Variants in APTX observed in about 807,000 individuals in gnomAD.
APTX encodes the protein aprataxin.
A neutral mutation model predicts 42.3 loss-of-function variants in APTX; 33 were observed. That is an observed-to-expected ratio of 0.78 (90% CI 0.59 to 1.04). The LOEUF is 1.04. APTX is among the 50% of genes least tolerant of loss of function. APTX has a pLI of 0.00. For synonymous variants in APTX, 130 were observed against 146.7 expected (o/e 0.89, Z 0.82); for missense variants, 421 against 415.1 (o/e 1.01, Z -0.12).
intron 1 of APTX, among the ~76,000 whole-genome samples, chr9:33,019,014 G>C (rs1457580532): frequency 6.6e-6 from 1 of 152,116 alleles, no homozygotes; most frequent in African/African-American, 2.4e-5. Context: ...TGGGATCCTG[G>C]AACAGAAAAG....
At chr9:32,996,884 C>T (rs955876313) in intron 1 of APTX, among the ~76,000 whole-genome samples, 6 of 152,202 alleles carry the variant, frequency 3.9e-5, no homozygotes, top group African/African-American at 1.4e-4. Context: ...CAGGATCCCC[C>T]GGTTTTCAGC....
intron 1 of APTX, among the ~76,000 whole-genome samples, chr9:33,001,163 G>A (rs1836339824): frequency 6.9e-6 from 1 of 145,874 alleles, no homozygotes; most frequent in Non-Finnish European, 1.5e-5. Flanking sequence ...TGCTTCTTCT[G>A]GCATTCCCTA....
upstream of APTX, among the ~76,000 whole-genome samples, chr9:33,002,059 G>T (rs1003488902): frequency 6.6e-6 from 1 of 152,154 alleles, no homozygotes; most frequent in South Asian, 2.1e-4. Context: ...AGAATGGAGC[G>T]GTAAGAGGCA....
rs112022898 is a variant in APTX, at chr9:32,982,933, A to G, written c.770+1698T>C. Among the ~76,000 whole-genome samples, 645 of 151,802 alleles carry G rather than the reference A, an allele frequency of 4.2e-3. 3 individuals carry two copies. The highest frequency in any genetic ancestry group is 0.015 in the African/African-American group (617 of 41,302). On this transcript the variant is annotated intron_variant, in intron 6 of 7. Coordinates refer to ENST00000379817, the MANE Select transcript of APTX (RefSeq NM_001195248.2). ...TGACCTAACAATTCCATCTCCAAAT[A>G]TTTATTCTTTTTTTTTCTTCTTCTT...
chr9:33,024,284 A>AT (rs552210361), intron 1 of APTX, among the ~76,000 whole-genome samples: 1 of 152,270 alleles, frequency 6.6e-6, no homozygotes, highest in South Asian at 2.1e-4. Flanking sequence ...AAGTGCTGGG[A>AT]TTACACACGT....
In APTX at chr9:32,992,167, C is replaced by T. The variant is rs985858205; in HGVS notation, c.-4-2272G>A. On this transcript the variant is annotated intron_variant, in intron 1 of 7. Transcript: ENST00000379817. ...GCTCAAGCCTCTAACATGCCTCTCC[C>T]GGAAACCTGCCTATAGTCAAGGCAG... 5.3e-5 allele frequency among the ~76,000 whole-genome samples: 8 copies of T among 152,076 alleles called. No homozygotes were observed. In the South Asian group the frequency reaches 6.2e-4, roughly 12 times the overall value.
At chr9:33,003,006 C>A (rs1029809504), upstream of APTX, among the ~76,000 whole-genome samples, 1 of 152,130 alleles carries the variant, frequency 6.6e-6, no homozygotes. Flanking sequence ...ATCTCAGCAG[C>A]CACACAGGCC....
At chr9:33,024,710 A>T (rs1389275507) in intron 1 of APTX, 1 of 152,118 alleles carries the variant, frequency 6.6e-6, no homozygotes, top group Non-Finnish European at 1.5e-5. Flanking sequence ...AAGCCTTAAC[A>T]ACTTCACAAT....
At chr9:33,019,861 C>G in intron 1 of APTX, 1 of 644,468 alleles carries the variant, frequency 1.6e-6, no homozygotes. Context: ...TCCCAACCAC[C>G]CTTTGGTGGG....
intron 1 of APTX, chr9:33,019,967 G>C (rs1838239425): frequency 2.3e-6 from 1 of 428,348 alleles, no homozygotes; most frequent in Non-Finnish European, 4.3e-6. Flanking sequence ...CCGCATTCCT[G>C]GCCCTTGGCC....
intron 6 of APTX, chr9:32,979,871 A>G (rs10971262): frequency 0.072 from 12,161 of 168,382 alleles, 586 homozygotes; most frequent in Non-Finnish European, 0.11. Flanking sequence ...TCGTACCTAT[A>G]TTCCTTAATT....
chr9:32,973,353 TG>T lies in APTX; in HGVS notation c.*144del. 1 of 956,830 alleles carries T rather than the reference TG, an allele frequency of 1.0e-6. No individual in the cohort carries two copies. The highest frequency in any genetic ancestry group is 1.6e-6 in the Non-Finnish European group (1 of 608,902). The allele number at this position is 956,830 out of a possible 1,614,324, so 59.3% of individuals were successfully genotyped here. A position where few individuals can be genotyped will look rare whatever the true frequency, so the allele number is the denominator to read the frequency against. On this transcript the variant is annotated 3_prime_UTR_variant, in exon 8 of 8. Coordinates refer to ENST00000379817, the MANE Select transcript of APTX (RefSeq NM_001195248.2). ...AAGTACTTTGAGCCACTCTACATTGTGGCCACTCAATAATAGAATAAATTTG... is the reference window on the plus strand; with the variant it reads ...AAGTACTTTGAGCCACTCTACATTGTGCCACTCAATAATAGAATAAATTTG...
intron 1 of APTX, among the ~76,000 whole-genome samples, chr9:33,021,445 T>C (rs1396197841): frequency 6.7e-6 from 1 of 150,166 alleles, no homozygotes; most frequent in African/African-American, 2.4e-5. Flanking sequence ...AATAAACATA[T>C]TAAAAAAAAT....
chr9:32,981,143 G>A (rs1830589302), intron 6 of APTX, among the ~76,000 whole-genome samples: 1 of 152,164 alleles, frequency 6.6e-6, no homozygotes, highest in Non-Finnish European at 1.5e-5. Flanking sequence ...AAGAACTATA[G>A]GCAAGTACTG....
At position 32,973,204 on chromosome 9, in the gene APTX, T is replaced by G. The variant is rs745612904; in HGVS notation, c.*294A>C. ...TTCCATACTCTGCATTAGGTCAGTGTGAACATGGCTTTGCTCCCAATGGTC... is the reference window on the plus strand; with the variant it reads ...TTCCATACTCTGCATTAGGTCAGTGGGAACATGGCTTTGCTCCCAATGGTC... On this transcript the variant is annotated 3_prime_UTR_variant, in exon 8 of 8. Coordinates refer to ENST00000379817, the MANE Select transcript of APTX (RefSeq NM_001195248.2). The G allele has an allele frequency of 8.7e-5, 46 of 529,614 alleles. 1 individual carries two copies. Among genetic ancestry groups the G allele is most frequent in the South Asian group, 6.8e-4 (44 of 65,152 alleles). 32.8% of individuals were successfully genotyped at this position (529,614 alleles called of 1,614,324 possible).
At chr9:32,986,055 C>CAAAAAAA in intron 4 of APTX, 25 bp from the exon 5 acceptor site, 1 of 521,252 alleles carries the variant, frequency 1.9e-6, no homozygotes, top group South Asian at 2.8e-5. Flanking sequence ...AAAAAAAAAA[C>CAAAAAAA]AAAAAAAAAA....
intron 1 of APTX, among the ~76,000 whole-genome samples, chr9:33,021,111 AAG>A (rs148941089): frequency 0.069 from 10,500 of 151,084 alleles, 500 homozygotes; most frequent in Non-Finnish European, 0.11. Context: ...CCTGGGCAAA[AAG>A]AGAGAAACTC....
chr9:32,993,780 G>A (rs986682586), intron 1 of APTX, among the ~76,000 whole-genome samples: 3 of 148,288 alleles, frequency 2.0e-5, no homozygotes, highest in Admixed American at 6.8e-5. Flanking sequence ...ATGCAGTGGC[G>A]CAATCTCAGC....
chr9:33,016,930 TAA>T (rs1262389809), intron 1 of APTX, among the ~76,000 whole-genome samples: 3 of 152,224 alleles, frequency 2.0e-5, no homozygotes, highest in Non-Finnish European at 2.9e-5. Context: ...TATTCATTCA[TAA>T]TTTATTGAGT....
Sources: gnomAD v4.1 joint callset for allele counts (sites outside exome capture counted in the v4.1 genomes callset) on GRCh38, gnomAD v4.1.1 for gene constraint, MANE v1.5 for transcripts, NCBI Gene and HGNC (gene_info 2026-07-23, HGNC 2026-07-21) for gene names.